BICRAL: variants seen among roughly 807,000 people sequenced by gnomAD.
BICRAL encodes the protein BICRA like chromatin remodeling complex associated protein, also known as BRD4-interacting chromatin-remodeling complex-associated protein-like.
Under a neutral mutation model 91.8 loss-of-function variants are expected in BICRAL, and 8 were observed. That is an observed-to-expected ratio of 0.09 (90% CI 0.05 to 0.16). The LOEUF is 0.16. Ranked by LOEUF, BICRAL falls within the 10% of genes least tolerant of loss-of-function variation. The probability of loss-of-function intolerance (pLI) is 1.00; values close to 1 mark genes in which losing one functional copy is unlikely to be tolerated. For missense variants in BICRAL, 1,038 were observed against 1,310.9 expected, an observed-to-expected ratio of 0.79 and a Z score of 3.21; for synonymous variants, 445 against 491.1, an observed-to-expected ratio of 0.91 and a Z score of 1.24.
At chr6:42,858,768 G>C (rs896898658) in intron 10 of BICRAL, among the ~76,000 whole-genome samples, 5 of 151,892 alleles carry the variant, frequency 3.3e-5, no homozygotes, top group African/African-American at 1.2e-4. Flanking sequence ...CATGAGCCGA[G>C]ATCGTGCCAT....
At chr6:42,846,283 G>T (rs916998663) in intron 6 of BICRAL, among the ~76,000 whole-genome samples, 2 of 151,916 alleles carry the variant, frequency 1.3e-5, no homozygotes, top group Non-Finnish European at 2.9e-5. Context: ...CAAGAGAATC[G>T]CTTGAACCCG....
chr6:42,792,316 T>TCACCCA (rs1763297773), intron 1 of BICRAL, among the ~76,000 whole-genome samples: 2 of 152,142 alleles, frequency 1.3e-5, no homozygotes, highest in Admixed American at 1.3e-4. Flanking sequence ...TCACCCAGGG[T>TCACCCA]TGAAGTCCAG....
chr6:42,786,012 G>A (rs1208534498), intron 1 of BICRAL, among the ~76,000 whole-genome samples: 7 of 151,994 alleles, frequency 4.6e-5, no homozygotes, highest in Admixed American at 1.3e-4. Flanking sequence ...CTGAGATCGC[G>A]CCACTGCACT....
At chr6:42,786,816 G>T (rs1763115633) in intron 1 of BICRAL, among the ~76,000 whole-genome samples, 3 of 152,174 alleles carry the variant, frequency 2.0e-5, no homozygotes, top group African/African-American at 7.2e-5. Context: ...CAAAGACCTG[G>T]AAGGCTGGTT....
At chr6:42,818,576 A>G (rs1764057645) in intron 2 of BICRAL, among the ~76,000 whole-genome samples, 1 of 151,816 alleles carries the variant, frequency 6.6e-6, no homozygotes, top group Non-Finnish European at 1.5e-5. Flanking sequence ...TTTGCACTTT[A>G]TGTCGTTGAC....
intron 1 of BICRAL, among the ~76,000 whole-genome samples, chr6:42,789,749 A>G (rs1763213112): frequency 6.6e-6 from 1 of 152,192 alleles, no homozygotes; most frequent in Non-Finnish European, 1.5e-5. Flanking sequence ...TACTGAAACT[A>G]AAGAGAAAGT....
intron 1 of BICRAL, among the ~76,000 whole-genome samples, chr6:42,772,004 CTG>C (rs945613931): frequency 1.8e-4 from 27 of 152,160 alleles, no homozygotes; most frequent in African/African-American, 6.0e-4. Flanking sequence ...TGAAGGCAGA[CTG>C]TAAACAAATC....
At chr6:42,816,496 G>A (rs993338121) in intron 2 of BICRAL, among the ~76,000 whole-genome samples, 2 of 152,016 alleles carry the variant, frequency 1.3e-5, no homozygotes, top group South Asian at 2.1e-4. Flanking sequence ...GCACGATCAC[G>A]GCTCACTGCA....
chr6:42,862,625 G>T lies in BICRAL; in HGVS notation c.2452+13G>T. 4 of 1,477,714 alleles carry T rather than the reference G, an allele frequency of 2.7e-6. No homozygotes were observed. The highest frequency in any genetic ancestry group is 1.1e-5 in the South Asian group (1 of 88,206). 91.5% of individuals were successfully genotyped at this position (1,477,714 alleles called of 1,614,324 possible). A position where few individuals can be genotyped will look rare whatever the true frequency, so the allele number is the denominator to read the frequency against. ...CTTGTAGACCCTGGTAAGAAACATC[G>T]CAGTGAAAGTAGTGGATAGCTCCTG... On this transcript the variant is annotated intron_variant, in intron 12 of 12. Transcript: ENST00000314073.
chr6:42,836,619 C>CTTTTTTTT (rs962446384), intron 6 of BICRAL, among the ~76,000 whole-genome samples: 3 of 125,342 alleles, frequency 2.4e-5, no homozygotes, highest in Non-Finnish European at 3.4e-5. Context: ...TGTGTAGTTT[C>CTTTTTTTT]TTTTTTTTTT....
At chr6:42,808,074 TG>T in intron 1 of BICRAL, among the ~76,000 whole-genome samples, 1 of 152,068 alleles carries the variant, frequency 6.6e-6, no homozygotes, top group South Asian at 2.1e-4. Flanking sequence ...TGCTATTTGC[TG>T]GGGATATGAA....
At chr6:42,769,651 T>C (rs914724064) in intron 1 of BICRAL, among the ~76,000 whole-genome samples, 3 of 152,100 alleles carry the variant, frequency 2.0e-5, no homozygotes, top group Non-Finnish European at 2.9e-5. Flanking sequence ...ACAAACACAA[T>C]ACCATGTGTG....
intron 1 of BICRAL, among the ~76,000 whole-genome samples, chr6:42,773,232 T>A (rs1344841889): frequency 6.6e-6 from 1 of 150,868 alleles, no homozygotes; most frequent in Non-Finnish European, 1.5e-5. Flanking sequence ...GCACCCGCCA[T>A]CATGCCCAGC....
Position 42,860,258 on chromosome 6 carries a change from A to C in BICRAL, c.2255-4A>C. The C allele has an allele frequency of 1.3e-6, 2 of 1,560,506 alleles. No homozygotes were observed. The highest frequency in any genetic ancestry group is 1.8e-6 in the Non-Finnish European group (2 of 1,132,304). On this transcript the variant is annotated splice_region_variant and splice_polypyrimidine_tract_variant and intron_variant, in intron 10 of 12. Transcript: ENST00000314073. ...ACTATTTCTTTGTCTCTCTCTTTTT[A>C]AAGTGGACAATGAATTTGAGACAGT...
chr6:42,778,837 G>A (rs1762838333), upstream of BICRAL, among the ~76,000 whole-genome samples: 1 of 151,896 alleles, frequency 6.6e-6, no homozygotes, highest in Admixed American at 6.6e-5. Flanking sequence ...GGTGGGGGAG[G>A]GACGGAGTCT....
intron 2 of BICRAL, among the ~76,000 whole-genome samples, chr6:42,816,438 T>C (rs1763997923): frequency 6.6e-6 from 1 of 152,134 alleles, no homozygotes; most frequent in Admixed American, 6.6e-5. Context: ...AATTTTATTT[T>C]ATTTTTGAGA....
chr6:42,819,810 TC>T (rs1307571182), intron 2 of BICRAL, among the ~76,000 whole-genome samples: 3 of 152,144 alleles, frequency 2.0e-5, no homozygotes, highest in African/African-American at 7.2e-5. Context: ...AGCAGAATTC[TC>T]AGGGTGCCCC....
At chr6:42,817,897 T>G (rs185347395) in intron 2 of BICRAL, among the ~76,000 whole-genome samples, 120 of 149,482 alleles carry the variant, frequency 8.0e-4, no homozygotes, top group Middle Eastern at 6.8e-3. Context: ...CCCAGCTACT[T>G]AGGGGGTTAA....
chr6:42,814,421 ATATATATACACATACATGTATGTATATG>A (rs1222438436), intron 2 of BICRAL, among the ~76,000 whole-genome samples: 1 of 144,986 alleles, frequency 6.9e-6, no homozygotes, highest in Non-Finnish European at 1.5e-5. Flanking sequence ...GTATACATAC[ATATATATACACATACATGTATGTATATG>A]TATATATACG....
Sources: allele counts gnomAD v4.1 joint callset (sites outside exome capture counted in the v4.1 genomes callset), GRCh38; gene constraint gnomAD v4.1.1; transcripts MANE v1.5; gene names NCBI Gene and HGNC (gene_info 2026-07-23, HGNC 2026-07-21).